Variants in SATB1 observed in about 807,000 individuals in gnomAD.
SATB1 encodes DNA-binding protein SATB1.
A neutral mutation model predicts 86.9 loss-of-function variants in SATB1; 11 were observed. The observed-to-expected ratio is 0.13, with a 90% CI of 0.08 to 0.21. The LOEUF (loss-of-function observed/expected upper bound fraction) is 0.21. Ranked by LOEUF, SATB1 falls within the 10% of genes least tolerant of loss-of-function variation. SATB1 has a pLI of 1.00. For missense variants in SATB1, 551 were observed against 937.6 expected (o/e 0.59, Z 5.39); for synonymous variants, 357 against 357.2 (o/e 1.00, Z 0.01).
chr3:18,397,183 C>T lies in SATB1; in HGVS notation c.747G>A (p.Met249Ile). 1.3e-6 allele frequency: 2 copies of T among 1,575,226 alleles called. No homozygotes were observed. Among genetic ancestry groups the T allele is most frequent in the Non-Finnish European group, 1.7e-6 (2 of 1,144,730 alleles). Residue 249 changes from methionine to isoleucine, a missense_variant, in exon 6 of 11, where the codon ATG (methionine) becomes ATA (isoleucine). Physicochemically the swap from Met to Ile is conservative, Grantham distance 10 (BLOSUM62 1). This residue lies in a region of SATB1 where 119 missense variants were observed against 171.1 expected (regional missense o/e 0.70). Coordinates refer to ENST00000338745, the MANE Select transcript of SATB1 (RefSeq NM_002971.6). ...WYKHFKKTKD[M>I]MVEMDSLSEL... The stretch of plus-strand genomic sequence containing the variant: ...TGCAATGTTTTTTTTGCTTACCCAT[C>T]ATATCTTTTGTCTTCTTGAAATGTT...
At chr3:18,425,764 C>T (rs1474091840), upstream of SATB1, among the ~76,000 whole-genome samples, 3 of 139,268 alleles carry the variant, frequency 2.2e-5, no homozygotes, top group East Asian at 7.1e-4. Flanking sequence ...TCCGCCGGAG[C>T]GGGGAGGGGA....
chr3:18,367,847 G>C (rs1389827638), intron 9 of SATB1, among the ~76,000 whole-genome samples: 1 of 152,132 alleles, frequency 6.6e-6, no homozygotes, highest in Non-Finnish European at 1.5e-5. Context: ...TCTTGCAAGT[G>C]AAATCTTTCA....
chr3:18,373,446 T>C (rs1285557774), intron 9 of SATB1, among the ~76,000 whole-genome samples: 1 of 152,208 alleles, frequency 6.6e-6, no homozygotes, highest in Admixed American at 6.5e-5. Context: ...CATGCTAGCA[T>C]ACAGAATGCA....
chr3:18,367,209 A>G (rs1410590443), intron 9 of SATB1, among the ~76,000 whole-genome samples: 2 of 152,204 alleles, frequency 1.3e-5, no homozygotes, highest in African/African-American at 4.8e-5. Flanking sequence ...TAGGTAAAAC[A>G]TCGGTGAGTT....
intron 2 of SATB1, among the ~76,000 whole-genome samples, chr3:18,433,745 C>T (rs1428354881): frequency 1.3e-5 from 2 of 152,080 alleles, no homozygotes; most frequent in Non-Finnish European, 2.9e-5. Flanking sequence ...CACAGTATAG[C>T]TATGCTTAAG....
intron 2 of SATB1, among the ~76,000 whole-genome samples, chr3:18,433,685 A>T (rs954810023): frequency 3.9e-5 from 6 of 152,090 alleles, no homozygotes; most frequent in Non-Finnish European, 1.5e-5. Flanking sequence ...ACTTACAAAC[A>T]TATATTTATT....
At chr3:18,405,600 A>T (rs1362810608) in intron 5 of SATB1, among the ~76,000 whole-genome samples, 1 of 151,952 alleles carries the variant, frequency 6.6e-6, no homozygotes, top group Non-Finnish European at 1.5e-5. Context: ...ATACTGCCTA[A>T]AAATTGGAGG....
intron 5 of SATB1, among the ~76,000 whole-genome samples, chr3:18,414,012 G>C (rs933859298): frequency 1.3e-5 from 2 of 152,020 alleles, no homozygotes; most frequent in Non-Finnish European, 2.9e-5. Flanking sequence ...CACATTTTGA[G>C]AATATCTGCT....
chr3:18,395,094 C>G (rs1696898204), intron 6 of SATB1, among the ~76,000 whole-genome samples, 178 bp from the exon 7 acceptor site: 1 of 152,170 alleles, frequency 6.6e-6, no homozygotes, highest in African/African-American at 2.4e-5. Flanking sequence ...CTTTCCTGAA[C>G]AATTCTACAA....
intron 5 of SATB1, 29 bp from the exon 6 acceptor site, chr3:18,397,319 T>C (rs1697015743): frequency 1.6e-6 from 2 of 1,215,106 alleles, no homozygotes; most frequent in Admixed American, 3.4e-5. Flanking sequence ...AGAATATTTG[T>C]AATACACAGC....
At chr3:18,400,658 T>C (rs1697213381) in intron 5 of SATB1, among the ~76,000 whole-genome samples, 1 of 152,214 alleles carries the variant, frequency 6.6e-6, no homozygotes, top group Non-Finnish European at 1.5e-5. Context: ...GCACAGAGCC[T>C]GTAACATATT....
intron 7 of SATB1, among the ~76,000 whole-genome samples, chr3:18,391,750 T>C (rs1696688452): frequency 6.6e-6 from 1 of 152,184 alleles, no homozygotes; most frequent in Admixed American, 6.5e-5. Context: ...CATTAGCATG[T>C]GTATTTTCAT....
At chr3:18,416,760 C>T (rs1476725230) in intron 3 of SATB1, 142 bp downstream of exon 3, 9 of 796,654 alleles carry the variant, frequency 1.1e-5, no homozygotes, top group Middle Eastern at 2.4e-4. Context: ...TGAATTAAGC[C>T]AATTTTTTAA....
At position 18,417,081 on chromosome 3, in the gene SATB1, A is replaced by G; in HGVS notation, c.212-3T>C. 3.1e-6 allele frequency: 5 copies of G among 1,610,770 alleles called. No individual in the cohort carries two copies. The highest frequency in any genetic ancestry group is 4.2e-6 in the Non-Finnish European group (5 of 1,178,924). On this transcript the variant is annotated splice_polypyrimidine_tract_variant and splice_region_variant and intron_variant, in intron 2 of 10. Coordinates refer to ENST00000338745, the MANE Select transcript of SATB1 (RefSeq NM_002971.6). ...ACAGAAAACTGGCAGCATGGTTCCTATCAAAAAGATGAAGAAGAAGAGATG... is the reference window on the plus strand; with the variant it reads ...ACAGAAAACTGGCAGCATGGTTCCTGTCAAAAAGATGAAGAAGAAGAGATG...
At chr3:18,406,606 T>A (rs2125138894) in intron 5 of SATB1, among the ~76,000 whole-genome samples, 1 of 152,186 alleles carries the variant, frequency 6.6e-6, no homozygotes, top group East Asian at 1.9e-4. Context: ...CAGGTCTTTT[T>A]AAGCATTCAG....
At position 18,348,927 on chromosome 3, in the gene SATB1, A is replaced by G; in HGVS notation, c.*243T>C. 3 of 584,462 alleles carry G rather than the reference A, an allele frequency of 5.1e-6. No homozygotes were observed. The highest frequency in any genetic ancestry group is 8.6e-6 in the Non-Finnish European group (3 of 350,760). The allele number at this position is 584,462 out of a possible 1,614,324, so 36.2% of individuals were successfully genotyped here. A position where few individuals can be genotyped will look rare whatever the true frequency, so the allele number is the denominator to read the frequency against. ...ACACACTTTGGTGCATCCCGTGAAC[A>G]CAAATTTTAATACCAAACAATCCTT... On this transcript the variant is annotated 3_prime_UTR_variant, in exon 11 of 11. Transcript: ENST00000338745.
At position 18,349,845 on chromosome 3, in the gene SATB1, T is replaced by A; in HGVS notation, c.1780-163A>T. 1 of 1,292,958 alleles carries A rather than the reference T, an allele frequency of 7.7e-7. No individual in the cohort carries two copies. Among genetic ancestry groups the A allele is most frequent in the Non-Finnish European group, 1.0e-6 (1 of 974,948 alleles). The allele number at this position is 1,292,958 out of a possible 1,614,324, so 80.1% of individuals were successfully genotyped here. A position where few individuals can be genotyped will look rare whatever the true frequency, so the allele number is the denominator to read the frequency against. ...AGGCCGGCGAAATGGCCGACAGCAT[T>A]TACAAAAAAATCAAAATGATATGAC... is the stretch of plus-strand genomic sequence containing the variant. On this transcript the variant is annotated intron_variant, in intron 10 of 10. Transcript: ENST00000338745. This position sits in a 1 kb window ranked among gnomAD's most constrained non-coding sequence, Gnocchi z 5.5.
At chr3:18,400,382 G>A (rs531120500) in intron 5 of SATB1, among the ~76,000 whole-genome samples, 3 of 152,302 alleles carry the variant, frequency 2.0e-5, no homozygotes, top group East Asian at 1.9e-4. Context: ...ATATTCAAGT[G>A]AGGATGTGTC....
chr3:18,412,579 A>T (rs1346726490), intron 5 of SATB1, among the ~76,000 whole-genome samples: 1 of 151,746 alleles, frequency 6.6e-6, no homozygotes, highest in Admixed American at 6.6e-5. Context: ...ATGAATCAAC[A>T]CTCCACAGGG....
Sources: gnomAD v4.1 joint callset for allele counts (sites outside exome capture counted in the v4.1 genomes callset) on GRCh38, gnomAD v4.1.1 for gene constraint, gnomAD v4.1.1 regional missense constraint, Gnocchi (gnomAD v3.1) non-coding constraint, MANE v1.5 for transcripts, NCBI Gene and HGNC (gene_info 2026-07-23, HGNC 2026-07-21) for gene names.